PCDH15: variants seen among roughly 807,000 people sequenced by gnomAD.
PCDH15 encodes protocadherin related 15.
A neutral mutation model predicts 178.5 loss-of-function variants in PCDH15; 129 were observed. The observed-to-expected ratio is 0.72, with a 90% CI of 0.63 to 0.84. PCDH15 has a LOEUF of 0.84. PCDH15 is among the 40% of genes least tolerant of loss of function. The pLI is 0.00. For missense variants in PCDH15, 2,230 were observed against 2,099.9 expected (o/e 1.06, Z -1.21); for synonymous variants, 800 against 732.0 (o/e 1.09, Z -1.50).
At chr10:54,808,374 TAGAG>T (rs1952812005) in intron 3 of PCDH15, among the ~76,000 whole-genome samples, 1 of 152,158 alleles carries the variant, frequency 6.6e-6, no homozygotes, top group Non-Finnish European at 1.5e-5. Context: ...CAAGCCCACA[TAGAG>T]AGGGAATACA....
chr10:54,827,382 A>C (rs1454773565), intron 3 of PCDH15, among the ~76,000 whole-genome samples: 1 of 152,080 alleles, frequency 6.6e-6, no homozygotes, highest in Non-Finnish European at 1.5e-5. Context: ...ATAATCCTAA[A>C]CTGGGCAGTG....
In PCDH15 at chr10:54,172,391, T is replaced by G. The variant is rs550513866; in HGVS notation, c.1590+11053A>C. ...CAAATCCTATAAAACGGCCCCACCC[T>G]TATCTCCCTTAGCTGACTCTCTTTT... is the stretch of plus-strand genomic sequence containing the variant. On this transcript the variant is annotated intron_variant, in intron 13 of 37. Coordinates refer to ENST00000644397, the MANE Select transcript of PCDH15 (RefSeq NM_001384140.1). 1.8e-4 allele frequency among the ~76,000 whole-genome samples: 27 copies of G among 152,028 alleles called. 1 individual carries two copies. The South Asian group carries it at 5.4e-3, about 30-fold the overall frequency.
At chr10:54,090,812 C>T (rs925683332) in intron 15 of PCDH15, among the ~76,000 whole-genome samples, 1 of 152,102 alleles carries the variant, frequency 6.6e-6, no homozygotes, top group Non-Finnish European at 1.5e-5. Flanking sequence ...ACTTCAAAAC[C>T]GGGCTCCAAT....
chr10:54,523,939 A>T (rs2083129770), intron 3 of PCDH15, among the ~76,000 whole-genome samples: 1 of 152,144 alleles, frequency 6.6e-6, no homozygotes, highest in Non-Finnish European at 1.5e-5. Flanking sequence ...AAAATCTAAG[A>T]CCTCAAGAGA....
At chr10:55,511,420 T>C (rs1197661975) in intron 2 of PCDH15, among the ~76,000 whole-genome samples, 6 of 151,994 alleles carry the variant, frequency 3.9e-5, no homozygotes, top group Admixed American at 2.0e-4. Context: ...CCTGATATCG[T>C]TCTTAATTCT....
chr10:54,522,883 G>T (rs1400442657), intron 3 of PCDH15, among the ~76,000 whole-genome samples: 2 of 152,150 alleles, frequency 1.3e-5, no homozygotes, highest in Admixed American at 1.3e-4. Context: ...TTGTAAAAAT[G>T]AAGACAAATT....
At chr10:54,784,642 C>G (rs1246039831) in intron 1 of PCDH15, among the ~76,000 whole-genome samples, 23 of 149,444 alleles carry the variant, frequency 1.5e-4, no homozygotes, top group Admixed American at 1.5e-3. Flanking sequence ...CAGATGATAT[C>G]TAACATCATG....
chr10:54,150,999 T>G (rs1257127915), intron 14 of PCDH15, among the ~76,000 whole-genome samples: 1 of 152,258 alleles, frequency 6.6e-6, no homozygotes, highest in South Asian at 2.1e-4. Flanking sequence ...GATCAGTCAT[T>G]ATATCATCAA....
intron 1 of PCDH15, among the ~76,000 whole-genome samples, chr10:54,731,550 A>ATATATATATATATATATATATATG (rs1566067251): frequency 1.4e-4 from 5 of 34,598 alleles, no homozygotes; most frequent in Non-Finnish European, 3.7e-4. Flanking sequence ...AGATAGATAT[A>ATATATATATATATATATATATATG]TATATATATA....
chr10:54,704,982 A>C (rs1461495791), intron 1 of PCDH15, among the ~76,000 whole-genome samples: 1 of 152,200 alleles, frequency 6.6e-6, no homozygotes. Context: ...GCAGCATGTC[A>C]TATTACACAG....
At chr10:54,887,954 G>T (rs1052853006) in intron 3 of PCDH15, among the ~76,000 whole-genome samples, 1 of 152,042 alleles carries the variant, frequency 6.6e-6, no homozygotes, top group Non-Finnish European at 1.5e-5. Flanking sequence ...TGGTATTCAA[G>T]AATTCCCTTT....
At chr10:54,453,398 G>C (rs530728671) in intron 3 of PCDH15, among the ~76,000 whole-genome samples, 35 of 151,942 alleles carry the variant, frequency 2.3e-4, no homozygotes, top group African/African-American at 8.2e-4. Flanking sequence ...GCAAACTATC[G>C]CAAGGACAAA....
At chr10:54,170,276 C>T (rs1316127422) in intron 13 of PCDH15, among the ~76,000 whole-genome samples, 2 of 151,800 alleles carry the variant, frequency 1.3e-5, no homozygotes, top group Non-Finnish European at 2.9e-5. Context: ...AAAACAACAA[C>T]TCCTTTCTTT....
chr10:55,291,489 T>TA (rs2132268523), intron 1 of PCDH15, among the ~76,000 whole-genome samples: 1 of 152,328 alleles, frequency 6.6e-6, no homozygotes, highest in East Asian at 1.9e-4. Context: ...TTATACAATT[T>TA]AAAAGATCAA....
chr10:55,274,515 A>G (rs1842533457), intron 1 of PCDH15, among the ~76,000 whole-genome samples: 1 of 152,038 alleles, frequency 6.6e-6, no homozygotes, highest in African/African-American at 2.4e-5. Flanking sequence ...TTATTGCCTG[A>G]TGACTCCATT....
At chr10:54,063,434 C>T (rs1384059661) in intron 18 of PCDH15, among the ~76,000 whole-genome samples, 3 of 152,128 alleles carry the variant, frequency 2.0e-5, no homozygotes, top group Non-Finnish European at 4.4e-5. Flanking sequence ...GCACATGCCC[C>T]TGTTATAGAC....
chr10:55,204,506 C>G (rs1322329805), intron 1 of PCDH15, among the ~76,000 whole-genome samples: 1 of 128,600 alleles, frequency 7.8e-6, no homozygotes, highest in Non-Finnish European at 1.9e-5. Context: ...TTTCAATTAT[C>G]CTTAGAAAAG....
intron 3 of PCDH15, among the ~76,000 whole-genome samples, chr10:54,512,288 A>C (rs994761532): frequency 6.7e-6 from 1 of 149,206 alleles, no homozygotes; most frequent in African/African-American, 2.5e-5. Context: ...GTATGGTTTC[A>C]GGAAACCTAT....
At chr10:54,820,877 A>T (rs1322712016) in intron 3 of PCDH15, among the ~76,000 whole-genome samples, 1 of 152,060 alleles carries the variant, frequency 6.6e-6, no homozygotes, top group Non-Finnish European at 1.5e-5. Flanking sequence ...AGAAAGGAAA[A>T]TCTTAAGAAT....
Sources: allele counts gnomAD v4.1 joint callset (sites outside exome capture counted in the v4.1 genomes callset), GRCh38; gene constraint gnomAD v4.1.1; transcripts MANE v1.5; gene names NCBI Gene and HGNC (gene_info 2026-07-23, HGNC 2026-07-21).